Variants in PCDH7 observed in about 807,000 individuals in gnomAD.
PCDH7 encodes protocadherin 7.
Under a neutral mutation model 58.9 loss-of-function variants are expected in PCDH7, and 17 were observed. The ratio of observed to expected loss-of-function variants is 0.29; its 90% CI spans 0.20 to 0.43. PCDH7 has a LOEUF of 0.43. PCDH7 is among the 20% of genes least tolerant of loss of function. The probability of loss-of-function intolerance (pLI) is 1.00; values close to 1 mark genes in which losing one functional copy is unlikely to be tolerated. For synonymous variants in PCDH7, 664 were observed against 616.4 expected, an observed-to-expected ratio of 1.08 and a Z score of -1.14; for missense variants, 1,274 against 1,441.0, an observed-to-expected ratio of 0.88 and a Z score of 1.88.
At chr4:30,770,770 G>A (rs189112657) in intron 1 of PCDH7, among the ~76,000 whole-genome samples, 9 of 152,094 alleles carry the variant, frequency 5.9e-5, no homozygotes, top group African/African-American at 1.7e-4. Context: ...AATTTTCACC[G>A]TGTTCCATTT....
At chr4:30,910,546 C>G (rs193253712) in intron 1 of PCDH7, among the ~76,000 whole-genome samples, 1 of 152,198 alleles carries the variant, frequency 6.6e-6, no homozygotes, top group Admixed American at 6.5e-5. Flanking sequence ...ATCCAACAAA[C>G]ATATGAAAAA....
intron 3 of PCDH7, among the ~76,000 whole-genome samples, chr4:31,101,762 G>A (rs1440283685): frequency 6.6e-6 from 1 of 152,102 alleles, no homozygotes; most frequent in Non-Finnish European, 1.5e-5. Context: ...TAAATGCATT[G>A]AGTATAGTTT....
chr4:30,724,925 A>T, intron 1 of PCDH7: 1 of 1,086,624 alleles, frequency 9.2e-7, no homozygotes, highest in Non-Finnish European at 1.1e-6. Context: ...TATTACTTAG[A>T]TGGTTAGTTT....
At chr4:30,816,464 G>A (rs1293992735) in intron 1 of PCDH7, among the ~76,000 whole-genome samples, 1 of 152,036 alleles carries the variant, frequency 6.6e-6, no homozygotes, top group African/African-American at 2.4e-5. Flanking sequence ...TGTAAGCATG[G>A]ACTTTCCCCT....
At chr4:30,803,275 G>A (rs1183838259) in intron 1 of PCDH7, among the ~76,000 whole-genome samples, 2 of 152,096 alleles carry the variant, frequency 1.3e-5, no homozygotes, top group Non-Finnish European at 2.9e-5. Context: ...GATTGCCAAA[G>A]CTGAGTAGAA....
At chr4:30,752,943 G>A (rs1332391500) in intron 1 of PCDH7, among the ~76,000 whole-genome samples, 5 of 152,154 alleles carry the variant, frequency 3.3e-5, no homozygotes, top group African/African-American at 1.2e-4. Context: ...GCATATTACT[G>A]TAACCCAGTT....
At chr4:30,912,616 T>G (rs1280532538) in intron 1 of PCDH7, among the ~76,000 whole-genome samples, 1 of 152,172 alleles carries the variant, frequency 6.6e-6, no homozygotes. Flanking sequence ...CTACTGAAGC[T>G]AAAAAGGAAG....
chr4:30,941,121 TAGTA>T (rs1411786668), intron 2 of PCDH7, among the ~76,000 whole-genome samples: 1 of 151,974 alleles, frequency 6.6e-6, no homozygotes, highest in Non-Finnish European at 1.5e-5. Context: ...AAAAAAATTT[TAGTA>T]AGTGTCTGGG....
At chr4:30,966,600 G>C (rs1291760087) in intron 3 of PCDH7, among the ~76,000 whole-genome samples, 3 of 152,044 alleles carry the variant, frequency 2.0e-5, no homozygotes, top group Admixed American at 6.6e-5. Flanking sequence ...AGGGGAGTGG[G>C]ATATGAATTG....
intron 3 of PCDH7, among the ~76,000 whole-genome samples, chr4:30,969,200 G>A (rs4358358): frequency 0.77 from 116,644 of 152,042 alleles, 45,606 homozygotes; most frequent in African/African-American, 0.94. Context: ...TGCCCTTGCC[G>A]TACCAGCTAG....
At chr4:30,910,612 C>A (rs1741605644) in intron 1 of PCDH7, among the ~76,000 whole-genome samples, 1 of 152,050 alleles carries the variant, frequency 6.6e-6, no homozygotes, top group African/African-American at 2.4e-5. Context: ...AATGAGATAC[C>A]CTCTCATACC....
At chr4:31,090,511 A>G (rs544345838) in intron 3 of PCDH7, among the ~76,000 whole-genome samples, 1 of 152,098 alleles carries the variant, frequency 6.6e-6, no homozygotes, top group African/African-American at 2.4e-5. Context: ...GGCCTTACTC[A>G]TTCTTTCTAA....
At chr4:30,918,192 T>G (rs530859095) in intron 1 of PCDH7, among the ~76,000 whole-genome samples, 1 of 152,194 alleles carries the variant, frequency 6.6e-6, no homozygotes, top group Admixed American at 6.6e-5. Flanking sequence ...AAATTCAACA[T>G]TGTCATTAAA....
At chr4:30,999,005 C>G (rs982694222) in intron 3 of PCDH7, among the ~76,000 whole-genome samples, 2 of 152,084 alleles carry the variant, frequency 1.3e-5, no homozygotes, top group African/African-American at 4.8e-5. Flanking sequence ...ATGTTTGTAG[C>G]TTTCCTTTAC....
chr4:31,051,861 A>T (rs1298722942), intron 3 of PCDH7, among the ~76,000 whole-genome samples: 3 of 151,640 alleles, frequency 2.0e-5, no homozygotes, highest in Admixed American at 1.3e-4. Context: ...ATTGTTCATG[A>T]TATTTCATTT....
chr4:30,733,197 T>A (rs1217909048), downstream of PCDH7, among the ~76,000 whole-genome samples: 3 of 152,230 alleles, frequency 2.0e-5, no homozygotes, highest in South Asian at 6.2e-4. Context: ...TTACCCTGTA[T>A]AGTTTAGCAT....
At chr4:30,940,747 A>G (rs1226287297) in intron 2 of PCDH7, among the ~76,000 whole-genome samples, 1 of 151,988 alleles carries the variant, frequency 6.6e-6, no homozygotes, top group Non-Finnish European at 1.5e-5. Context: ...TATGCTGTTT[A>G]TTAAGTTTGA....
intron 1 of PCDH7, among the ~76,000 whole-genome samples, chr4:30,844,464 G>A (rs1731650196): frequency 6.6e-6 from 1 of 152,102 alleles, no homozygotes. Flanking sequence ...TTCTAAGTTA[G>A]TATCGACTTC....
chr4:30,988,988 C>T (rs1331596409), intron 3 of PCDH7, among the ~76,000 whole-genome samples: 1 of 152,170 alleles, frequency 6.6e-6, no homozygotes, highest in Non-Finnish European at 1.5e-5. Flanking sequence ...AAAAAGTCCT[C>T]ACCTTCCTTT....
Sources: gnomAD v4.1 joint callset for allele counts (sites outside exome capture counted in the v4.1 genomes callset) on GRCh38, gnomAD v4.1.1 for gene constraint, MANE v1.5 for transcripts, NCBI Gene and HGNC (gene_info 2026-07-23, HGNC 2026-07-21) for gene names.